The following DDX60L variants were observed in gnomAD, a reference collection of about 807,000 sequenced individuals.
DDX60L encodes the protein probable ATP-dependent RNA helicase DDX60-like.
In DDX60L, 191 loss-of-function variants were observed where a neutral mutation model predicts 211.6. The observed-to-expected ratio is 0.90, with a 90% CI of 0.80 to 1.02. The LOEUF is 1.02. DDX60L is among the 50% of genes least tolerant of loss of function. The pLI is 0.00. For synonymous variants in DDX60L, 706 were observed against 694.1 expected, an observed-to-expected ratio of 1.02 and a Z score of -0.27; for missense variants, 2,007 against 1,984.1, an observed-to-expected ratio of 1.01 and a Z score of -0.22.
Position 168,367,953 on chromosome 4 carries a change from T to C in DDX60L, c.4928+3659A>G, listed in dbSNP as rs570406059. On this transcript the variant is annotated intron_variant, in intron 36 of 37. Transcript: ENST00000682922. ...CATTCAAGAGGTGACTTGGGTACTG[T>C]TAAAGGCATTCAGTTTTATAAGAGA... Among the ~76,000 whole-genome samples, 20 of 152,352 alleles carry C rather than the reference T, an allele frequency of 1.3e-4. No homozygotes were observed. In the East Asian group the frequency reaches 3.7e-3, roughly 28 times the overall value.
chr4:168,442,062 G>A (rs867758611), intron 9 of DDX60L, among the ~76,000 whole-genome samples: 35 of 152,240 alleles, frequency 2.3e-4, no homozygotes, highest in African/African-American at 5.3e-4. Context: ...CGCAGAAGAC[G>A]GGTGATTTCT....
At chr4:168,417,267 C>T (rs1749726570) in intron 19 of DDX60L, among the ~76,000 whole-genome samples, 1 of 152,218 alleles carries the variant, frequency 6.6e-6, no homozygotes. Flanking sequence ...AGTGTAACTT[C>T]CTGCATGGTC....
At position 168,433,123 on chromosome 4, in the gene DDX60L, C is replaced by A; in HGVS notation, c.1295-8G>T. The A allele has an allele frequency of 6.4e-7, 1 of 1,571,918 alleles. No homozygotes were observed. Among genetic ancestry groups the A allele is most frequent in the Non-Finnish European group, 8.7e-7 (1 of 1,149,164 alleles). On this transcript the variant is annotated splice_region_variant and splice_polypyrimidine_tract_variant and intron_variant, in intron 10 of 37. Coordinates refer to ENST00000682922, the MANE Select transcript of DDX60L (RefSeq NM_001012967.3). ...TCTTTTCCAAGGAGATTTCTGAAAA[C>A]AAATATAAATTTAAGATGAGAGGAA...
chr4:168,452,735 GGGTTA>G (rs1167598446), intron 8 of DDX60L, among the ~76,000 whole-genome samples: 1 of 151,912 alleles, frequency 6.6e-6, no homozygotes, highest in Non-Finnish European at 1.5e-5. Flanking sequence ...TTTGAACAGT[GGGTTA>G]GGAGTACATA....
At chr4:168,377,692 T>C (rs1054230072) in intron 33 of DDX60L, 10 of 152,182 alleles carry the variant, frequency 6.6e-5, no homozygotes, top group South Asian at 2.1e-4. Context: ...TCCAGAGGCA[T>C]TGTGAGGTCA....
intron 4 of DDX60L, among the ~76,000 whole-genome samples, chr4:168,466,957 A>G (rs1435094449): frequency 6.6e-6 from 1 of 152,130 alleles, no homozygotes; most frequent in African/African-American, 2.4e-5. Context: ...TTCTAACAAA[A>G]CATGTTAGAA....
At chr4:168,399,088 C>T (rs1304699125) in intron 26 of DDX60L, among the ~76,000 whole-genome samples, 1 of 152,232 alleles carries the variant, frequency 6.6e-6, no homozygotes, top group Non-Finnish European at 1.5e-5. Context: ...CTCTTCTTCA[C>T]CTTGCTTACC....
At chr4:168,360,354 A>G (rs990598873) in intron 37 of DDX60L, among the ~76,000 whole-genome samples, 6 of 152,214 alleles carry the variant, frequency 3.9e-5, no homozygotes, top group Non-Finnish European at 7.3e-5. Context: ...GCTATAAGCC[A>G]CTTGAGGAAT....
chr4:168,423,522 T>C, intron 15 of DDX60L, 86 bp downstream of exon 15: 2 of 941,766 alleles, frequency 2.1e-6, no homozygotes, highest in Non-Finnish European at 3.1e-6. Context: ...ACTCTATATG[T>C]GAGATACTTC....
intron 10 of DDX60L, among the ~76,000 whole-genome samples, chr4:168,434,370 A>G (rs970956356): frequency 1.3e-5 from 2 of 152,236 alleles, no homozygotes; most frequent in African/African-American, 4.8e-5. Flanking sequence ...AGAGTGACTT[A>G]TCATGTAAGA....
At chr4:168,452,702 A>T (rs1231111241) in intron 8 of DDX60L, among the ~76,000 whole-genome samples, 1 of 152,142 alleles carries the variant, frequency 6.6e-6, no homozygotes. Context: ...TTAAACCAAA[A>T]TATTAACCGT....
intron 37 of DDX60L, 119 bp from the exon 38 acceptor site, chr4:168,358,395 A>G (rs1738489239): frequency 5.9e-6 from 4 of 682,226 alleles, no homozygotes; most frequent in East Asian, 6.2e-5. Context: ...AAATATGGAG[A>G]AAAAGTACGC....
At chr4:168,449,823 AG>A (rs1755555884) in intron 8 of DDX60L, among the ~76,000 whole-genome samples, 2 of 150,820 alleles carry the variant, frequency 1.3e-5, no homozygotes, top group Admixed American at 6.6e-5. Context: ...AAAAAAAAAA[AG>A]AGGTTATAAA....
chr4:168,358,057 T>C lies in DDX60L; in HGVS notation c.*90A>G, dbSNP rs1264789730. The C allele has an allele frequency of 3.3e-6, 4 of 1,216,000 alleles. No individual in the cohort carries two copies. Among genetic ancestry groups the C allele is most frequent in the Non-Finnish European group, 3.5e-6 (3 of 859,192 alleles). The allele number at this position is 1,216,000 out of a possible 1,614,324, so 75.3% of individuals were successfully genotyped here. A position where few individuals can be genotyped will look rare whatever the true frequency, so the allele number is the denominator to read the frequency against. On this transcript the variant is annotated 3_prime_UTR_variant, in exon 38 of 38. Transcript: ENST00000682922. ...ATTCTGTTTGACTCCAAGACAAACA[T>C]TTTTTCCATTTCATTGTGTAAGCTT...
chr4:168,385,292 G>A (rs186852449), intron 29 of DDX60L, among the ~76,000 whole-genome samples: 1 of 152,096 alleles, frequency 6.6e-6, no homozygotes, highest in Non-Finnish European at 1.5e-5. Context: ...AACCTAAAGG[G>A]ACTGTCTCAA....
At chr4:168,468,019 C>T (rs1758245303) in intron 4 of DDX60L, among the ~76,000 whole-genome samples, 1 of 151,912 alleles carries the variant, frequency 6.6e-6, no homozygotes, top group Non-Finnish European at 1.5e-5. Context: ...ATACAAAAAT[C>T]AGCCAGGCAT....
At position 168,421,715 on chromosome 4, in the gene DDX60L, G is replaced by T. The variant is rs186254728; in HGVS notation, c.2394+45C>A. On this transcript the variant is annotated intron_variant, in intron 17 of 37. Transcript: ENST00000682922. ...GACCGTGTGCATTCTTTTTAAAGGG[G>T]ATGTTCAGGAACAAAAGCAAAAATG... 4.4e-6 allele frequency: 7 copies of T among 1,605,542 alleles called. No individual in the cohort carries two copies. In the East Asian group the frequency reaches 1.6e-4, roughly 36 times the overall value.
intron 36 of DDX60L, among the ~76,000 whole-genome samples, chr4:168,369,670 C>T (rs1157182491): frequency 1.3e-5 from 2 of 151,882 alleles, no homozygotes; most frequent in Non-Finnish European, 2.9e-5. Context: ...AGAAAAATAT[C>T]GACACACTAT....
chr4:168,402,631 C>G (rs1290256931), intron 25 of DDX60L, among the ~76,000 whole-genome samples: 1 of 152,174 alleles, frequency 6.6e-6, no homozygotes, highest in Non-Finnish European at 1.5e-5. Flanking sequence ...GCAGTTTAAG[C>G]TAAGATTTGA....
Sources: allele counts gnomAD v4.1 joint callset (sites outside exome capture counted in the v4.1 genomes callset), GRCh38; gene constraint gnomAD v4.1.1; transcripts MANE v1.5; gene names NCBI Gene and HGNC (gene_info 2026-07-23, HGNC 2026-07-21).